The following LAP3 variants were observed in gnomAD, a reference collection of about 807,000 sequenced individuals.
The protein encoded by LAP3 is leucine aminopeptidase 3.
Under a neutral mutation model 58.8 loss-of-function variants are expected in LAP3, and 46 were observed. The observed-to-expected ratio is 0.78, with a 90% CI of 0.62 to 1.00. LAP3 has a LOEUF of 1.00. Among genes scored for constraint, LAP3 ranks in the 50% least tolerant of loss-of-function variants. The pLI, the probability that LAP3 is intolerant of heterozygous loss-of-function variation, is 0.00. For synonymous variants in LAP3, 257 were observed against 237.7 expected (o/e 1.08, Z -0.75); for missense variants, 615 against 659.1 (o/e 0.93, Z 0.73).
At position 17,577,584 on chromosome 4, in the gene LAP3, C is replaced by A. The variant is rs373780654; in HGVS notation, c.102+17C>A. 58 of 1,523,308 alleles carry A rather than the reference C, an allele frequency of 3.8e-5. No homozygotes were observed. Among genetic ancestry groups the A allele is most frequent in the Non-Finnish European group, 4.2e-5 (47 of 1,130,944 alleles). 94.4% of individuals were successfully genotyped at this position (1,523,308 alleles called of 1,614,324 possible). On this transcript the variant is annotated intron_variant, in intron 1 of 12. Coordinates refer to ENST00000226299, the MANE Select transcript of LAP3 (RefSeq NM_015907.3). Reference sequence around the variant, plus strand: ...ATGACGAAGGTGAGAGGCGGCGGCTCGCTCATGGTCCGCCGCTGGGGCCCT... The same window carrying A: ...ATGACGAAGGTGAGAGGCGGCGGCTAGCTCATGGTCCGCCGCTGGGGCCCT...
intron 11 of LAP3, among the ~76,000 whole-genome samples, chr4:17,605,175 A>G (rs1714090228): frequency 6.6e-6 from 1 of 151,314 alleles, no homozygotes; most frequent in Admixed American, 6.6e-5. Flanking sequence ...TTGGTTTTCG[A>G]ATGTCCACAC....
intron 7 of LAP3, among the ~76,000 whole-genome samples, chr4:17,590,273 A>C (rs1267834093): frequency 6.6e-6 from 1 of 152,224 alleles, no homozygotes; most frequent in Non-Finnish European, 1.5e-5. Flanking sequence ...CTAGAGAACC[A>C]TACGATGTTG....
At chr4:17,587,472 T>G (rs1444960323) in intron 6 of LAP3, 1 of 151,524 alleles carries the variant, frequency 6.6e-6, no homozygotes, top group Non-Finnish European at 1.5e-5. Context: ...CTGTTTCATC[T>G]TCCGATTTAA....
intron 7 of LAP3, among the ~76,000 whole-genome samples, chr4:17,590,148 T>A (rs548239067): frequency 6.6e-6 from 1 of 152,218 alleles, no homozygotes; most frequent in Non-Finnish European, 1.5e-5. Flanking sequence ...TTTGTTTTAT[T>A]TGCTTAACTA....
intron 4 of LAP3, chr4:17,582,634 A>AT (rs1713394363): frequency 2.6e-6 from 1 of 378,746 alleles, no homozygotes; most frequent in Non-Finnish European, 4.8e-6. Context: ...TTTTACTACC[A>AT]TTTGTTCGCT....
rs781018284 is a variant in LAP3 at position 17,577,517 on chromosome 4, G to T, written c.52G>T (p.Ala18Ser). ...AAGRVVVRRL[A>S]VRRFGSRSLS... ...GGGGCGAGTAGTCGTCCGACGTCTG[G>T]CCGTGAGACGTTTCGGGAGCCGGAG... The change falls in exon 1 of 13, where the codon GCC becomes TCC. Residue 18 changes from alanine to serine, a missense_variant. Transcript: ENST00000226299. 2.2e-5 allele frequency: 35 copies of T among 1,586,798 alleles called. No individual in the cohort carries two copies. The highest frequency in any genetic ancestry group is 2.8e-5 in the Non-Finnish European group (33 of 1,168,264).
intron 6 of LAP3, among the ~76,000 whole-genome samples, chr4:17,586,459 G>A (rs1321276857): frequency 6.6e-6 from 1 of 152,206 alleles, no homozygotes; most frequent in Non-Finnish European, 1.5e-5. Context: ...TTAATCTATA[G>A]CAATGTTTAG....
At chr4:17,587,882 A>G (rs945896746) in intron 6 of LAP3, among the ~76,000 whole-genome samples, 4 of 152,176 alleles carry the variant, frequency 2.6e-5, no homozygotes, top group African/African-American at 9.7e-5. Flanking sequence ...TAAAAAGCAA[A>G]TAAATAGGAT....
Position 17,582,368 on chromosome 4 carries a change from A to G in LAP3, c.354A>G (p.Lys118=). 1 of 1,614,030 alleles carries G rather than the reference A, an allele frequency of 6.2e-7. No individual in the cohort carries two copies. The highest frequency in any genetic ancestry group is 8.5e-7 in the Non-Finnish European group (1 of 1,179,938). The part of the protein sequence containing the change: ...IDEQENWHEG[K]ENIRAAVAAG... The stretch of plus-strand genomic sequence containing the variant: ...AACAGGAAAACTGGCATGAAGGCAA[A>G]GAAAACATCAGAGCTGCTGTTGCAG... The change falls in exon 4 of 13, where the codon AAA becomes AAG. Residue 118 remains lysine (K), a synonymous_variant. Coordinates refer to ENST00000226299, the MANE Select transcript of LAP3 (RefSeq NM_015907.3).
chr4:17,585,350 A>G (rs1353586365), intron 6 of LAP3: 5 of 432,902 alleles, frequency 1.2e-5, no homozygotes, highest in African/African-American at 2.0e-5. Context: ...ATGATATACT[A>G]TGTATGTGTA....
intron 9 of LAP3, among the ~76,000 whole-genome samples, chr4:17,598,124 A>G (rs1302235572): frequency 6.6e-6 from 1 of 152,090 alleles, no homozygotes; most frequent in Non-Finnish European, 1.5e-5. Context: ...AGTCATCAAC[A>G]TTAGGTCATC....
chr4:17,597,420 G>A (rs1025378436), intron 9 of LAP3, among the ~76,000 whole-genome samples: 1 of 152,164 alleles, frequency 6.6e-6, no homozygotes, highest in Non-Finnish European at 1.5e-5. Context: ...GGGACCACAG[G>A]TGCGTGCCAC....
chr4:17,587,207 T>A (rs574162769), intron 6 of LAP3, among the ~76,000 whole-genome samples: 1 of 152,160 alleles, frequency 6.6e-6, no homozygotes, highest in East Asian at 1.9e-4. Context: ...GCAAAACTTG[T>A]AGCCGAGCAA....
At position 17,577,463 on chromosome 4, in the gene LAP3, A is replaced by C. The variant is rs1042265901; in HGVS notation, c.-3A>C. 1.9e-6 allele frequency: 3 copies of C among 1,569,570 alleles called. No individual in the cohort carries two copies. Among genetic ancestry groups the C allele is most frequent in the Non-Finnish European group, 2.6e-6 (3 of 1,159,430 alleles). On this transcript the variant is annotated 5_prime_UTR_variant, in exon 1 of 13. Transcript: ENST00000226299. ...GGGCGGTGCGAGGGGCCGAGCCGAC[A>C]AGATGTTCTTGCTGCCTCTTCCGGC...
chr4:17,606,097 C>G (rs76190685), intron 11 of LAP3, among the ~76,000 whole-genome samples: 2,545 of 152,194 alleles, frequency 0.017, 84 homozygotes, highest in African/African-American at 0.058. Flanking sequence ...CTCAGTAGTT[C>G]AGTAAACGAT....
At position 17,585,102 on chromosome 4, in the gene LAP3, A is replaced by G. The variant is rs1415543334; in HGVS notation, c.670A>G (p.Lys224Glu). The change falls in exon 6 of 13, where the codon AAA becomes GAA. Residue 224 changes from lysine (K) to glutamate (E), a missense_variant. Transcript: ENST00000226299. ...TGCTGAAATTATTGAGAAGAATCTC[A>G]AAAGTGCTAGTAGTAAAACCGAGGT... ...RFAEIIEKNLKSASSKTEVHI... is the reference protein window; with the variant it reads ...RFAEIIEKNLESASSKTEVHI... 2 of 1,613,938 alleles carry G rather than the reference A, an allele frequency of 1.2e-6. No individual in the cohort carries two copies. The highest frequency in any genetic ancestry group is 8.5e-7 in the Non-Finnish European group (1 of 1,179,814).
chr4:17,588,744 C>A, intron 6 of LAP3, 75 bp from the exon 7 acceptor site: 1 of 1,392,152 alleles, frequency 7.2e-7, no homozygotes, highest in Non-Finnish European at 9.9e-7. Context: ...TTTTCACACA[C>A]TGTGATGAGC....
chr4:17,578,536 C>G (rs1015836579), intron 1 of LAP3, among the ~76,000 whole-genome samples: 1 of 91,548 alleles, frequency 1.1e-5, no homozygotes, highest in Non-Finnish European at 2.5e-5. Flanking sequence ...GATTCTCACT[C>G]AGTCCTACCA....
intron 5 of LAP3, among the ~76,000 whole-genome samples, chr4:17,584,583 T>C (rs1389924052): frequency 1.3e-5 from 2 of 152,224 alleles, no homozygotes; most frequent in Non-Finnish European, 2.9e-5. Context: ...CAGTTAGCAC[T>C]TGGGGCTGCA....
Sources: gnomAD v4.1 joint callset for allele counts (sites outside exome capture counted in the v4.1 genomes callset) on GRCh38, gnomAD v4.1.1 for gene constraint, MANE v1.5 for transcripts, NCBI Gene and HGNC (gene_info 2026-07-23, HGNC 2026-07-21) for gene names.